Variants in PHF14 observed in about 807,000 individuals in gnomAD.
PHF14 encodes PHD finger protein 14.
In PHF14, 55 loss-of-function variants were observed where a neutral mutation model predicts 117.9. The observed-to-expected ratio is 0.47, with a 90% CI of 0.38 to 0.58. The LOEUF (loss-of-function observed/expected upper bound fraction) is 0.58. PHF14 is among the 20% of genes least tolerant of loss of function. PHF14 has a pLI of 0.00. For missense variants in PHF14, 978 were observed against 1,122.2 expected (o/e 0.87, Z 1.84); for synonymous variants, 409 against 368.6 (o/e 1.11, Z -1.26).
chr7:10,997,710 C>T (rs368175957), intron 4 of PHF14, among the ~76,000 whole-genome samples: 1 of 152,118 alleles, frequency 6.6e-6, no homozygotes, highest in African/African-American at 2.4e-5. Flanking sequence ...TGGCTGTTGG[C>T]CAGAGACCTC....
chr7:11,114,122 G>T (rs1418031385), intron 17 of PHF14, among the ~76,000 whole-genome samples: 1 of 152,010 alleles, frequency 6.6e-6, no homozygotes, highest in East Asian at 1.9e-4. Context: ...AAATTTAGAT[G>T]GTAAAATGTC....
chr7:11,054,695 T>C (rs1279683272), intron 14 of PHF14, among the ~76,000 whole-genome samples: 1 of 152,156 alleles, frequency 6.6e-6, no homozygotes, highest in Non-Finnish European at 1.5e-5. Context: ...TACTAACTTG[T>C]ATAAATACCT....
At chr7:11,061,688 C>G (rs1163194470) in intron 14 of PHF14, 103 bp from the exon 15 acceptor site, 2 of 863,266 alleles carry the variant, frequency 2.3e-6, no homozygotes, top group East Asian at 6.0e-5. Flanking sequence ...AGTGCCTAAC[C>G]TAAGCAATAA....
chr7:11,031,726 C>T (rs1016043661), intron 7 of PHF14, among the ~76,000 whole-genome samples: 1 of 152,048 alleles, frequency 6.6e-6, no homozygotes, highest in African/African-American at 2.4e-5. Flanking sequence ...TGCACTCAGC[C>T]TGGAGAATAG....
At chr7:10,984,951 T>C (rs955122999) in intron 3 of PHF14, among the ~76,000 whole-genome samples, 5 of 152,216 alleles carry the variant, frequency 3.3e-5, no homozygotes, top group Non-Finnish European at 7.4e-5. Flanking sequence ...AGTGCCCATG[T>C]AGAAGAGATT....
intron 7 of PHF14, among the ~76,000 whole-genome samples, chr7:11,035,337 C>A (rs183109449): frequency 6.6e-6 from 1 of 152,120 alleles, no homozygotes. Context: ...ACCAGTCCCC[C>A]ATGGATATTG....
Position 11,116,320 on chromosome 7 carries a change from A to G in PHF14, c.2772+4853A>G, listed in dbSNP as rs113153837. ...GAGCCCAGGTTCCTTTTAGTGGAAAACGATATTTAGAAACCAAGATCTGGT... is the reference window on the plus strand; with the variant it reads ...GAGCCCAGGTTCCTTTTAGTGGAAAGCGATATTTAGAAACCAAGATCTGGT... On this transcript the variant is annotated intron_variant, in intron 17 of 17. Coordinates refer to ENST00000634607, the MANE Select transcript of PHF14 (RefSeq NM_001007157.2). Among the ~76,000 whole-genome samples, 260 of 152,050 alleles carry G rather than the reference A, an allele frequency of 1.7e-3. 4 individuals are homozygous for G. The highest frequency in any genetic ancestry group is 5.9e-3 in the African/African-American group (246 of 41,536).
At chr7:11,069,714 C>G (rs958786459) in intron 16 of PHF14, among the ~76,000 whole-genome samples, 1 of 139,044 alleles carries the variant, frequency 7.2e-6, no homozygotes, top group Admixed American at 7.8e-5. Flanking sequence ...TCTTGTCTTT[C>G]CTTTTTTTTT....
At chr7:10,994,400 C>T (rs1782560599) in intron 4 of PHF14, among the ~76,000 whole-genome samples, 2 of 152,158 alleles carry the variant, frequency 1.3e-5, no homozygotes, top group African/African-American at 4.8e-5. Flanking sequence ...GGTCGAGCCA[C>T]TGCACTCCAG....
intron 2 of PHF14, among the ~76,000 whole-genome samples, chr7:10,981,287 A>C (rs1048430667): frequency 1.8e-4 from 28 of 152,212 alleles, no homozygotes; most frequent in African/African-American, 6.0e-4. Flanking sequence ...AAAAAAATTC[A>C]TCATCCTGTG....
At chr7:11,053,476 G>A (rs746466354) in intron 14 of PHF14, among the ~76,000 whole-genome samples, 1 of 151,810 alleles carries the variant, frequency 6.6e-6, no homozygotes, top group Non-Finnish European at 1.5e-5. Flanking sequence ...TAAATAAGCC[G>A]GCTAGTTTCT....
intron 2 of PHF14, among the ~76,000 whole-genome samples, chr7:10,975,448 G>C (rs1452152599): frequency 3.3e-5 from 5 of 152,118 alleles, no homozygotes; most frequent in Admixed American, 6.5e-5. Context: ...CTTGTGGATT[G>C]GGCCTTTCAG....
chr7:10,978,464 G>A (rs927353181), intron 2 of PHF14, among the ~76,000 whole-genome samples: 15 of 152,118 alleles, frequency 9.9e-5, no homozygotes, highest in African/African-American at 3.6e-4. Context: ...AGCAATCTTG[G>A]TGAGGCAAAA....
intron 17 of PHF14, among the ~76,000 whole-genome samples, chr7:11,148,232 C>T (rs1029726213): frequency 1.3e-5 from 2 of 152,146 alleles, no homozygotes; most frequent in African/African-American, 4.8e-5. Flanking sequence ...AAAAGCAAAT[C>T]ATATTATTTA....
chr7:11,102,974 A>C, intron 16 of PHF14: 2 of 1,000,114 alleles, frequency 2.0e-6, no homozygotes, highest in Non-Finnish European at 2.4e-6. Flanking sequence ...GTGATTGAAC[A>C]ATACAAATAA....
chr7:11,028,249 A>C (rs1435582127), intron 6 of PHF14, among the ~76,000 whole-genome samples: 1 of 152,096 alleles, frequency 6.6e-6, no homozygotes, highest in Non-Finnish European at 1.5e-5. Context: ...TGAATACCCT[A>C]CTGAAAGTGG....
chr7:11,075,957 C>T (rs114614781), intron 16 of PHF14, among the ~76,000 whole-genome samples: 18 of 152,078 alleles, frequency 1.2e-4, no homozygotes, highest in African/African-American at 4.1e-4. Context: ...CGATGAAACC[C>T]CGTCTCTACC....
At chr7:11,145,799 A>T (rs1316985498) in intron 17 of PHF14, among the ~76,000 whole-genome samples, 1 of 152,100 alleles carries the variant, frequency 6.6e-6, no homozygotes, top group Non-Finnish European at 1.5e-5. Context: ...AATTAACATC[A>T]TAGATGCCTA....
intron 4 of PHF14, chr7:11,006,711 A>G (rs377428461): frequency 2.3e-5 from 15 of 654,924 alleles, no homozygotes; most frequent in African/African-American, 1.6e-4. Flanking sequence ...CTGCCTCCAG[A>G]GTCTCAGTGT....
Sources: allele counts gnomAD v4.1 joint callset (sites outside exome capture counted in the v4.1 genomes callset), GRCh38; gene constraint gnomAD v4.1.1; transcripts MANE v1.5; gene names NCBI Gene and HGNC (gene_info 2026-07-23, HGNC 2026-07-21).